Variants in PRDM16 observed in about 807,000 individuals in gnomAD.
The protein encoded by PRDM16 is PR/SET domain 16.
Under a neutral mutation model 110.6 loss-of-function variants are expected in PRDM16, and 23 were observed. That is an observed-to-expected ratio of 0.21 (90% confidence interval 0.15 to 0.29). The LOEUF (loss-of-function observed/expected upper bound fraction) is 0.29. PRDM16 is among the 10% of genes least tolerant of loss of function. The probability of loss-of-function intolerance (pLI) is 1.00; values close to 1 mark genes in which losing one functional copy is unlikely to be tolerated. For missense variants in PRDM16, 1,615 were observed against 1,794.3 expected (o/e 0.90, Z 1.81); for synonymous variants, 799 against 781.8 (o/e 1.02, Z -0.37).
Position 3,412,196 on chromosome 1 carries a change from G to C in PRDM16, c.1999G>C (p.Val667Leu). 1 of 1,596,754 alleles carries C rather than the reference G, an allele frequency of 6.3e-7. No individual in the cohort carries two copies. The highest frequency in any genetic ancestry group is 8.6e-7 in the Non-Finnish European group (1 of 1,167,720). ...GAPNSVAEVP[V>L]FYSQHSFFPP... ...CCCGAACAGCGTGGCCGAGGTGCCT[G>C]TCTTCTATTCCCAGCACTCATTCTT... The change falls in exon 9 of 17, where the codon GTC (valine) becomes CTC (leucine). Residue 667 changes from valine (V) to leucine (L), a missense_variant. Physicochemically the swap from Val to Leu is conservative, Grantham distance 32. Around this residue, in one of 5 missense-constraint regions of PRDM16, gnomAD observed 772 missense variants for 748.3 expected, o/e 1.03. Coordinates refer to ENST00000270722, the MANE Select transcript of PRDM16 (RefSeq NM_022114.4).
intron 1 of PRDM16, among the ~76,000 whole-genome samples, chr1:3,158,925 A>T (rs1325711069): frequency 2.0e-5 from 3 of 151,792 alleles, no homozygotes; most frequent in Non-Finnish European, 4.4e-5. Context: ...GCCTGCCACC[A>T]CATCTGGCTA....
intron 3 of PRDM16, among the ~76,000 whole-genome samples, chr1:3,283,129 T>C (rs1640751074): frequency 1.3e-5 from 2 of 152,134 alleles, no homozygotes; most frequent in South Asian, 4.1e-4. Flanking sequence ...TGGAGGGGTC[T>C]GACCCAGTGG....
chr1:3,267,584 C>G (rs985952241), intron 3 of PRDM16, among the ~76,000 whole-genome samples: 1 of 152,246 alleles, frequency 6.6e-6, no homozygotes, highest in African/African-American at 2.4e-5. Flanking sequence ...CTGTTTACCA[C>G]AGTGGCTATA....
At chr1:3,367,361 G>C (rs1008601810) in intron 3 of PRDM16, among the ~76,000 whole-genome samples, 3 of 152,192 alleles carry the variant, frequency 2.0e-5, no homozygotes, top group Admixed American at 6.5e-5. Context: ...GCTCCATTTG[G>C]ACAGGAAGCG....
At chr1:3,076,911 G>A (rs60823305) in intron 1 of PRDM16, among the ~76,000 whole-genome samples, 2 of 152,024 alleles carry the variant, frequency 1.3e-5, no homozygotes, top group Admixed American at 6.6e-5. Flanking sequence ...GGTGTTTTTG[G>A]GGGGGACACA....
intron 2 of PRDM16, among the ~76,000 whole-genome samples, chr1:3,241,203 C>T (rs911845300): frequency 6.6e-6 from 1 of 152,276 alleles, no homozygotes; most frequent in Non-Finnish European, 1.5e-5. Flanking sequence ...CAACGCGGCT[C>T]AGGCCCCAGC....
intron 12 of PRDM16, among the ~76,000 whole-genome samples, chr1:3,419,219 G>A (rs1219909936): frequency 1.3e-5 from 2 of 152,176 alleles, no homozygotes; most frequent in African/African-American, 2.4e-5. Flanking sequence ...GTGCAAATGC[G>A]GGTCCCCACC....
intron 3 of PRDM16, among the ~76,000 whole-genome samples, chr1:3,271,320 T>G (rs1383964217): frequency 6.6e-6 from 1 of 152,044 alleles, no homozygotes; most frequent in Non-Finnish European, 1.5e-5. Context: ...GGAGGCAGAG[T>G]GAGGCTTCCT....
At chr1:3,268,188 T>C (rs1038968591) in intron 3 of PRDM16, among the ~76,000 whole-genome samples, 1 of 152,148 alleles carries the variant, frequency 6.6e-6, no homozygotes, top group Non-Finnish European at 1.5e-5. Flanking sequence ...CCTGCTGCGG[T>C]TGCAGTCGCC....
intron 3 of PRDM16, among the ~76,000 whole-genome samples, chr1:3,348,193 C>T (rs1642402922): frequency 6.6e-6 from 1 of 152,112 alleles, no homozygotes; most frequent in African/African-American, 2.4e-5. Context: ...CCCTCTGGGC[C>T]CCTGAACAGT....
At position 3,069,865 on chromosome 1, in the gene PRDM16, C is replaced by T. The variant is rs931304673; in HGVS notation, c.37+569C>T. 2.2e-4 allele frequency among the ~76,000 whole-genome samples: 33 copies of T among 152,100 alleles called. No homozygotes were observed. Among genetic ancestry groups the T allele is most frequent in the African/African-American group, 7.9e-4 (33 of 41,554 alleles). Reference sequence around the variant, plus strand: ...GAGGGGCGGAGGAGGGGGCGCGGGCCGGCGCCCACCCGGCTCCGCGGGCGC... The same window carrying T: ...GAGGGGCGGAGGAGGGGGCGCGGGCTGGCGCCCACCCGGCTCCGCGGGCGC... On this transcript the variant is annotated intron_variant, in intron 1 of 16. Coordinates refer to ENST00000270722, the MANE Select transcript of PRDM16 (RefSeq NM_022114.4). This position sits in a 1 kb window ranked among gnomAD's most constrained non-coding sequence, Gnocchi z 6.1.
chr1:3,167,446 G>T (rs941272835), intron 1 of PRDM16, among the ~76,000 whole-genome samples: 1 of 152,038 alleles, frequency 6.6e-6, no homozygotes, highest in African/African-American at 2.4e-5. Flanking sequence ...GCTTGTCACC[G>T]GGGGTCACAT....
chr1:3,427,425 A>G (rs1281874094), intron 14 of PRDM16, among the ~76,000 whole-genome samples: 2 of 152,110 alleles, frequency 1.3e-5, no homozygotes, highest in East Asian at 1.9e-4. Context: ...CGCACTGGCC[A>G]TGGGCGGTCT....
chr1:3,100,061 C>T (rs1642496380), intron 1 of PRDM16, among the ~76,000 whole-genome samples: 1 of 152,112 alleles, frequency 6.6e-6, no homozygotes, highest in Non-Finnish European at 1.5e-5. Flanking sequence ...CTCTGAGGGG[C>T]GTGGAGAGGC....
chr1:3,270,241 G>T (rs1038515260), intron 3 of PRDM16, among the ~76,000 whole-genome samples: 84 of 150,814 alleles, frequency 5.6e-4, no homozygotes, highest in African/African-American at 2.0e-3. Flanking sequence ...TCAGGAGGAG[G>T]ACAGTCCAGG....
intron 1 of PRDM16, among the ~76,000 whole-genome samples, chr1:3,092,436 T>G (rs535820802): frequency 6.6e-6 from 1 of 152,356 alleles, no homozygotes; most frequent in East Asian, 1.9e-4. Flanking sequence ...CCACCAGCAC[T>G]TGGGTCCATG....
At chr1:3,122,533 C>T (rs559168335) in intron 1 of PRDM16, among the ~76,000 whole-genome samples, 22 of 152,238 alleles carry the variant, frequency 1.4e-4, no homozygotes, top group African/African-American at 4.6e-4. Context: ...TGCGAGTGGC[C>T]GCGTGGAGAA....
At chr1:3,085,078 A>G (rs1194706960) in intron 1 of PRDM16, among the ~76,000 whole-genome samples, 1 of 152,096 alleles carries the variant, frequency 6.6e-6, no homozygotes, top group African/African-American at 2.4e-5. Context: ...GTGTCAATGG[A>G]CAGCCTAGGC....
intron 6 of PRDM16, among the ~76,000 whole-genome samples, chr1:3,403,806 T>C (rs1487964099): frequency 6.6e-6 from 1 of 152,110 alleles, no homozygotes; most frequent in Non-Finnish European, 1.5e-5. Flanking sequence ...CAGGACAGCC[T>C]CGCAAAGTCA....
Sources: allele counts gnomAD v4.1 joint callset (sites outside exome capture counted in the v4.1 genomes callset), GRCh38; gene constraint gnomAD v4.1.1; regional missense constraint gnomAD v4.1.1; non-coding constraint Gnocchi (gnomAD v3.1); transcripts MANE v1.5; gene names NCBI Gene and HGNC (gene_info 2026-07-23, HGNC 2026-07-21).